PSD2: variants seen among roughly 807,000 people sequenced by gnomAD.
The protein encoded by PSD2 is pleckstrin and Sec7 domain containing 2.
PSD2 carries 38 observed loss-of-function variants against 69.8 expected under a neutral mutation model. That is an observed-to-expected ratio of 0.54 (90% CI 0.42 to 0.71). PSD2 has a LOEUF of 0.71. Among genes scored for constraint, PSD2 ranks in the 30% least tolerant of loss-of-function variants. The pLI is 0.00. For synonymous variants in PSD2, 412 were observed against 423.0 expected (o/e 0.97, Z 0.32); for missense variants, 943 against 1,014.5 (o/e 0.93, Z 0.96).
chr5:139,782,004 C>G, the PSD2 span, among the ~76,000 whole-genome samples: 5 of 152,172 alleles, frequency 3.3e-5, no homozygotes, highest in Non-Finnish European at 7.3e-5. Flanking sequence ...CTGGATTTAC[C>G]TGCCCAGGGG....
intron 1 of PSD2, among the ~76,000 whole-genome samples, chr5:139,799,844 C>T (rs1188949778): frequency 6.6e-6 from 1 of 151,962 alleles, no homozygotes; most frequent in Non-Finnish European, 1.5e-5. Context: ...TTGTGTCTGA[C>T]TAGAGATAGG....
the PSD2 span, chr5:139,772,981 G>A: frequency 6.6e-6 from 1 of 152,158 alleles, no homozygotes; most frequent in African/African-American, 2.4e-5. Flanking sequence ...TTTAATGAAT[G>A]AGGCAGGATT....
the PSD2 span, among the ~76,000 whole-genome samples, chr5:139,760,126 A>C: frequency 7.2e-5 from 11 of 152,150 alleles, no homozygotes; most frequent in African/African-American, 2.7e-4. Context: ...CCCACCCTCC[A>C]TCTGCCAGTA....
At chr5:139,829,242 G>T (rs1278170015) in intron 7 of PSD2, among the ~76,000 whole-genome samples, 2 of 152,194 alleles carry the variant, frequency 1.3e-5, no homozygotes, top group Admixed American at 6.5e-5. Flanking sequence ...GACTTGAAAA[G>T]AATATATTCT....
intron 1 of PSD2, among the ~76,000 whole-genome samples, chr5:139,802,092 G>A (rs949238211): frequency 1.3e-5 from 2 of 151,968 alleles, no homozygotes; most frequent in Non-Finnish European, 2.9e-5. Flanking sequence ...GTCCTAAAGA[G>A]GAGACAAGAC....
intron 4 of PSD2, among the ~76,000 whole-genome samples, chr5:139,815,707 T>C (rs890688383): frequency 2.0e-5 from 3 of 152,084 alleles, no homozygotes; most frequent in African/African-American, 7.2e-5. Flanking sequence ...ATTATGAAAA[T>C]TTCAGGCCGG....
the PSD2 span, among the ~76,000 whole-genome samples, chr5:139,763,683 C>A: frequency 4.6e-5 from 7 of 152,244 alleles, no homozygotes; most frequent in African/African-American, 1.4e-4. Context: ...CTCGGCCTGG[C>A]ACAGCGAGCC....
the PSD2 span, among the ~76,000 whole-genome samples, chr5:139,766,830 T>TCC: frequency 4.9e-5 from 1 of 20,592 alleles, no homozygotes; most frequent in South Asian, 1.9e-3. Flanking sequence ...GTCCCTTCCT[T>TCC]CTTTCTTTCT....
chr5:139,787,869 C>T, the PSD2 span, among the ~76,000 whole-genome samples: 1 of 152,066 alleles, frequency 6.6e-6, no homozygotes, highest in Non-Finnish European at 1.5e-5. Context: ...AACGGCACGG[C>T]CTTCGGAGAC....
At position 139,842,199 on chromosome 5, in the gene PSD2, T is replaced by C. The variant is rs1405057549; in HGVS notation, c.2113-72T>C. On this transcript the variant is annotated intron_variant, in intron 14 of 14. Coordinates refer to ENST00000274710, the MANE Select transcript of PSD2 (RefSeq NM_032289.4). Reference sequence around the variant, plus strand: ...CTCTGCATATTAAGGAAATTAGTCTTTTGTCATATAAGGTGCACATACTTT... The same window carrying C: ...CTCTGCATATTAAGGAAATTAGTCTCTTGTCATATAAGGTGCACATACTTT... The C allele has an allele frequency of 4.7e-6, 6 of 1,273,638 alleles. No individual in the cohort carries two copies. The Admixed American group carries it at 7.5e-5, about 16-fold the overall frequency. The allele number at this position is 1,273,638 out of a possible 1,614,324, so 78.9% of individuals were successfully genotyped here. A position where few individuals can be genotyped will look rare whatever the true frequency, so the allele number is the denominator to read the frequency against.
At chr5:139,756,026 C>G in the PSD2 span, among the ~76,000 whole-genome samples, 2 of 152,244 alleles carry the variant, frequency 1.3e-5, no homozygotes, top group Admixed American at 6.5e-5. Context: ...CCGCGGCTGC[C>G]GTCCGCCCTC....
rs1214988267 is a variant in PSD2 at position 139,822,714 on chromosome 5, T to C, written c.1211-12T>C. On this transcript the variant is annotated splice_polypyrimidine_tract_variant and intron_variant, in intron 6 of 14. Transcript: ENST00000274710. ...GATCCTCGCACTGAGAGTGCCACCA[T>C]CTCTGACTCAGATGGGATCCACACG... 1 of 1,607,392 alleles carries C rather than the reference T, an allele frequency of 6.2e-7. No homozygotes were observed. The highest frequency in any genetic ancestry group is 1.3e-5 in the African/African-American group (1 of 74,594).
the PSD2 span, among the ~76,000 whole-genome samples, chr5:139,771,527 C>T: frequency 2.6e-5 from 4 of 152,204 alleles, no homozygotes; most frequent in Admixed American, 6.5e-5. Flanking sequence ...TACAGGCGCC[C>T]GCCACCACGC....
the PSD2 span, among the ~76,000 whole-genome samples, chr5:139,789,828 G>A: frequency 6.6e-6 from 1 of 152,124 alleles, no homozygotes; most frequent in African/African-American, 2.4e-5. Flanking sequence ...TATGTGTTAT[G>A]GAGGAAAAGA....
chr5:139,831,866 A>G (rs1760605233), intron 7 of PSD2, among the ~76,000 whole-genome samples: 1 of 152,020 alleles, frequency 6.6e-6, no homozygotes, highest in African/African-American at 2.4e-5. Flanking sequence ...TTCAACTTTT[A>G]TGTTGAAGTG....
At chr5:139,841,912 A>G (rs1239883124) in intron 14 of PSD2, among the ~76,000 whole-genome samples, 1 of 152,246 alleles carries the variant, frequency 6.6e-6, no homozygotes, top group Non-Finnish European at 1.5e-5. Context: ...TATCAGATAT[A>G]TGACTTGCAA....
At chr5:139,753,830 G>T in the PSD2 span, among the ~76,000 whole-genome samples, 16 of 145,544 alleles carry the variant, frequency 1.1e-4, no homozygotes, top group South Asian at 4.8e-4. Context: ...TTTTTTTTTT[G>T]TTTGTTTGTT....
Position 139,813,625 on chromosome 5 carries a change from C to G in PSD2, c.688C>G (p.Arg230Gly). ...CCTGCGGCGCTCCATCTCCAGCAGC[C>G]GCTCTGAGAATGTCCTGAGCCGCCT... ...SPLRRSISSS[R>G]SENVLSRLSL... Residue 230 changes from arginine (R) to glycine (G), a missense_variant, in exon 3 of 15, where the codon CGC (arginine) becomes GGC (glycine). Transcript: ENST00000274710. The G allele has an allele frequency of 6.2e-7, 1 of 1,613,842 alleles. No individual in the cohort carries two copies. Among genetic ancestry groups the G allele is most frequent in the Non-Finnish European group, 8.5e-7 (1 of 1,179,932 alleles).
intron 8 of PSD2, 55 bp from the exon 9 acceptor site, chr5:139,835,668 A>G (rs2126965839): frequency 6.4e-7 from 1 of 1,555,298 alleles, no homozygotes. Flanking sequence ...GTGGTAGATG[A>G]GGGTTTCTTT....
Sources: allele counts gnomAD v4.1 joint callset (sites outside exome capture counted in the v4.1 genomes callset), GRCh38; gene constraint gnomAD v4.1.1; transcripts MANE v1.5; gene names NCBI Gene and HGNC (gene_info 2026-07-23, HGNC 2026-07-21).